The following CWF19L2 variants were observed in gnomAD, a reference collection of about 807,000 sequenced individuals.
The protein encoded by CWF19L2 is CWF19 like cell cycle control factor 2.
A neutral mutation model predicts 111.7 loss-of-function variants in CWF19L2; 98 were observed. The ratio of observed to expected loss-of-function variants is 0.88; its 90% CI spans 0.75 to 1.04. The LOEUF is 1.04. Among genes scored for constraint, CWF19L2 ranks in the 50% least tolerant of loss-of-function variants. CWF19L2 has a pLI of 0.00. For synonymous variants in CWF19L2, 351 were observed against 342.9 expected (o/e 1.02, Z -0.26); for missense variants, 1,101 against 1,051.4 (o/e 1.05, Z -0.65).
chr11:107,353,812 C>G, intron 12 of CWF19L2, 76 bp from the exon 13 acceptor site: 3 of 1,042,542 alleles, frequency 2.9e-6, no homozygotes, highest in Non-Finnish European at 4.3e-6. Flanking sequence ...TATCCTAAAT[C>G]TGTATCTGTA....
rs538978506 is a variant in CWF19L2, at chr11:107,432,235, T to C, written c.780+1399A>G. On this transcript the variant is annotated intron_variant, in intron 7 of 17. Transcript: ENST00000282251. ...CCCAAAAGAAAAATGGAAAACAATA[T>C]CAATAGTCAATTCACTAAAAAATAC... Among the ~76,000 whole-genome samples the C allele has an allele frequency of 1.8e-3, 273 of 152,084 alleles. 9 individuals carry two copies. Among genetic ancestry groups the C allele is most frequent in the Admixed American group, 0.017 (258 of 15,260 alleles).
intron 7 of CWF19L2, among the ~76,000 whole-genome samples, chr11:107,432,911 G>T (rs926250244): frequency 2.6e-5 from 4 of 151,828 alleles, no homozygotes; most frequent in Admixed American, 2.6e-4. Context: ...GCATATAAAT[G>T]GTCATCTACT....
intron 11 of CWF19L2, among the ~76,000 whole-genome samples, 161 bp from the exon 12 acceptor site, chr11:107,390,372 A>G (rs1860830133): frequency 1.3e-5 from 2 of 152,092 alleles, no homozygotes; most frequent in African/African-American, 4.8e-5. Flanking sequence ...CATGTGAAAA[A>G]ACTTCCATTA....
At chr11:107,405,474 T>C (rs960779974) in intron 10 of CWF19L2, among the ~76,000 whole-genome samples, 2 of 152,102 alleles carry the variant, frequency 1.3e-5, no homozygotes, top group Non-Finnish European at 2.9e-5. Context: ...TTGGTAACAA[T>C]TAGGGTAAGA....
intron 8 of CWF19L2, among the ~76,000 whole-genome samples, chr11:107,424,568 T>G (rs524764): frequency 0.25 from 37,372 of 151,510 alleles, 4,773 homozygotes; most frequent in Middle Eastern, 0.32. Flanking sequence ...GATAAAAGTT[T>G]AGATATTCAA....
In CWF19L2 at chr11:107,392,243, T is replaced by TA. The variant is rs528820233; in HGVS notation, c.1734+535dup. ...CTTGTCTGATCTTCCAAATTTAAAATAAAAAAAACTAACTTGAGAAAGCTG... is the reference window on the plus strand; with the variant it reads ...CTTGTCTGATCTTCCAAATTTAAAATAAAAAAAAACTAACTTGAGAAAGCTG... On this transcript the variant is annotated intron_variant, in intron 11 of 17. Coordinates refer to ENST00000282251, the MANE Select transcript of CWF19L2 (RefSeq NM_152434.3). Among the ~76,000 whole-genome samples the TA allele has an allele frequency of 3.8e-3, 577 of 152,112 alleles. 2 individuals are homozygous for TA. Among genetic ancestry groups the TA allele is most frequent in the Non-Finnish European group, 6.0e-3 (408 of 67,962 alleles).
chr11:107,451,284 A>G (rs1482053282), intron 3 of CWF19L2, among the ~76,000 whole-genome samples: 1 of 152,174 alleles, frequency 6.6e-6, no homozygotes, highest in Non-Finnish European at 1.5e-5. Context: ...GACAGCAATG[A>G]AAATATAACA....
chr11:107,357,843 T>A (rs1263566919), intron 12 of CWF19L2, among the ~76,000 whole-genome samples: 1 of 152,168 alleles, frequency 6.6e-6, no homozygotes, highest in Admixed American at 6.5e-5. Context: ...TTTTAACAGA[T>A]AGACTGGTAA....
At chr11:107,396,945 T>C (rs1447789583) in intron 10 of CWF19L2, among the ~76,000 whole-genome samples, 1 of 152,110 alleles carries the variant, frequency 6.6e-6, no homozygotes, top group Non-Finnish European at 1.5e-5. Context: ...TCGACTTTAC[T>C]TGGAGTTGAG....
intron 12 of CWF19L2, among the ~76,000 whole-genome samples, chr11:107,361,790 G>C (rs971653074): frequency 5.3e-5 from 8 of 152,184 alleles, no homozygotes; most frequent in African/African-American, 9.6e-5. Context: ...ATGGTGTATA[G>C]AAATGCTACT....
intron 10 of CWF19L2, chr11:107,403,450 T>C (rs974906674): frequency 1.3e-6 from 1 of 792,218 alleles, no homozygotes; most frequent in Non-Finnish European, 2.3e-6. Context: ...GCTCTTCCAC[T>C]GTTGTGCTGT....
intron 10 of CWF19L2, chr11:107,403,717 C>A: frequency 2.4e-6 from 2 of 837,352 alleles, no homozygotes. Flanking sequence ...GCTCTGCCGC[C>A]TCCTTCTCCC....
At chr11:107,360,346 A>AT (rs1307030685) in intron 12 of CWF19L2, among the ~76,000 whole-genome samples, 1 of 152,228 alleles carries the variant, frequency 6.6e-6, no homozygotes, top group East Asian at 1.9e-4. Context: ...ATAGTATTCC[A>AT]TTGTGTATAT....
At chr11:107,423,523 G>C (rs958167911) in intron 8 of CWF19L2, among the ~76,000 whole-genome samples, 4 of 151,778 alleles carry the variant, frequency 2.6e-5, no homozygotes, top group African/African-American at 9.7e-5. Flanking sequence ...TTTTCCTTCT[G>C]CCATTTGTAC....
At chr11:107,355,810 C>G (rs1364254875) in intron 12 of CWF19L2, among the ~76,000 whole-genome samples, 1 of 152,182 alleles carries the variant, frequency 6.6e-6, no homozygotes, top group Non-Finnish European at 1.5e-5. Flanking sequence ...ATACCTCACT[C>G]TCTATAATTG....
chr11:107,392,740 A>G, intron 11 of CWF19L2, 39 bp downstream of exon 11: 1 of 1,232,936 alleles, frequency 8.1e-7, no homozygotes, highest in Non-Finnish European at 1.2e-6. Context: ...GGGAAGAAGG[A>G]ATTCTGAATT....
chr11:107,445,473 G>A (rs1213891784), intron 3 of CWF19L2, among the ~76,000 whole-genome samples: 4 of 152,004 alleles, frequency 2.6e-5, no homozygotes, highest in Admixed American at 6.6e-5. Context: ...ATGTGGTGGC[G>A]CATGCCTGTA....
At position 107,361,368 on chromosome 11, in the gene CWF19L2, A is replaced by G. The variant is rs772591272; in HGVS notation, c.1873-7632T>C. ...TTTTGGTTACTATAGCGTTTTCAGTATAATTTGAAGTCAGGTAATCAGATG... is the reference window on the plus strand; with the variant it reads ...TTTTGGTTACTATAGCGTTTTCAGTGTAATTTGAAGTCAGGTAATCAGATG... On this transcript the variant is annotated intron_variant, in intron 12 of 17. Coordinates refer to ENST00000282251, the MANE Select transcript of CWF19L2 (RefSeq NM_152434.3). Among the ~76,000 whole-genome samples, 69 of 152,326 alleles carry G rather than the reference A, an allele frequency of 4.5e-4. No individual in the cohort carries two copies. In the Middle Eastern group the frequency reaches 0.01, roughly 23 times the overall value.
intron 3 of CWF19L2, among the ~76,000 whole-genome samples, chr11:107,453,710 A>G (rs1861813001): frequency 6.6e-6 from 1 of 151,620 alleles, no homozygotes; most frequent in East Asian, 2.0e-4. Context: ...GTGGTAGAAC[A>G]CCAAGAGGGA....
Sources: gnomAD v4.1 joint callset for allele counts (sites outside exome capture counted in the v4.1 genomes callset) on GRCh38, gnomAD v4.1.1 for gene constraint, MANE v1.5 for transcripts, NCBI Gene and HGNC (gene_info 2026-07-23, HGNC 2026-07-21) for gene names.